Variants in LEMD3 observed in about 807,000 individuals in gnomAD.
LEMD3 encodes the protein LEM domain containing 3.
A neutral mutation model predicts 95.2 loss-of-function variants in LEMD3; 33 were observed. The ratio of observed to expected loss-of-function variants is 0.35; its 90% CI spans 0.26 to 0.46. The LOEUF (loss-of-function observed/expected upper bound fraction) is 0.46, where lower values mean the gene tolerates loss of function less well. LEMD3 is among the 20% of genes least tolerant of loss of function. LEMD3 has a pLI of 1.00. For missense variants in LEMD3, 1,210 were observed against 1,192.8 expected (o/e 1.01, Z -0.21); for synonymous variants, 525 against 474.6 (o/e 1.11, Z -1.38).
At chr12:65,190,003 G>A (rs370796124) in intron 1 of LEMD3, among the ~76,000 whole-genome samples, 22 of 152,136 alleles carry the variant, frequency 1.4e-4, no homozygotes, top group African/African-American at 3.6e-4. Flanking sequence ...TTAAAGCCTC[G>A]TACCACACTA....
chr12:65,232,644 C>T (rs546173632), intron 4 of LEMD3, among the ~76,000 whole-genome samples: 6 of 152,168 alleles, frequency 3.9e-5, no homozygotes, highest in African/African-American at 1.4e-4. Context: ...TTAAAAAACT[C>T]GTTGTTTTTG....
At chr12:65,178,744 A>G (rs1052745042) in intron 1 of LEMD3, among the ~76,000 whole-genome samples, 2 of 152,226 alleles carry the variant, frequency 1.3e-5, no homozygotes, top group African/African-American at 2.4e-5. Context: ...AGGGTCATGT[A>G]GCTAGTAAGT....
intron 1 of LEMD3, among the ~76,000 whole-genome samples, chr12:65,204,432 T>G (rs1220016750): frequency 6.6e-6 from 1 of 152,152 alleles, no homozygotes; most frequent in Non-Finnish European, 1.5e-5. Flanking sequence ...CATAGAGTAT[T>G]TGGTTTTCTG....
At chr12:65,177,231 A>T (rs929643530) in intron 1 of LEMD3, among the ~76,000 whole-genome samples, 3 of 152,210 alleles carry the variant, frequency 2.0e-5, no homozygotes, top group Admixed American at 2.0e-4. Flanking sequence ...TAAGAAGGAT[A>T]AACAGGTGAT....
intron 1 of LEMD3, among the ~76,000 whole-genome samples, chr12:65,208,789 GAAA>G (rs1035452432): frequency 1.3e-5 from 2 of 152,088 alleles, no homozygotes; most frequent in East Asian, 3.9e-4. Flanking sequence ...AGCATTTGGG[GAAA>G]AAAATTTTAA....
At chr12:65,232,172 C>G (rs983390230) in intron 4 of LEMD3, among the ~76,000 whole-genome samples, 1 of 152,102 alleles carries the variant, frequency 6.6e-6, no homozygotes, top group Non-Finnish European at 1.5e-5. Flanking sequence ...CCAAAATTCT[C>G]TATGTTATTT....
At chr12:65,192,221 C>T (rs1022846743) in intron 1 of LEMD3, among the ~76,000 whole-genome samples, 10 of 152,014 alleles carry the variant, frequency 6.6e-5, no homozygotes, top group Non-Finnish European at 1.3e-4. Context: ...TACCACTGTA[C>T]TTTTGATATT....
intron 1 of LEMD3, among the ~76,000 whole-genome samples, chr12:65,186,339 A>G (rs550029996): frequency 6.6e-6 from 1 of 152,268 alleles, no homozygotes; most frequent in East Asian, 1.9e-4. Context: ...CTTAAATTTT[A>G]ACAACTTAAA....
rs1268518880 is a variant in LEMD3 at position 65,170,442 on chromosome 12, C to T, written c.846C>T (p.Ser282=). 1 of 1,613,932 alleles carries T rather than the reference C, an allele frequency of 6.2e-7. No homozygotes were observed. Residue 282 remains serine, a synonymous_variant, in exon 1 of 13, where the codon TCC becomes TCT. Transcript: ENST00000308330. ...SRQVLKDDSL[S]RHRPRRTHSK... is the part of the protein sequence containing the mutation. ...AGGTATTAAAGGACGACTCCCTTTC[C>T]CGGCATCGGCCCAGACGAACCCATA...
At position 65,210,539 on chromosome 12, in the gene LEMD3, GACA is replaced by G. The variant is rs1275763336; in HGVS notation, c.1523-381_1523-379del. On this transcript the variant is annotated intron_variant, in intron 1 of 12. Coordinates refer to ENST00000308330, the MANE Select transcript of LEMD3 (RefSeq NM_014319.5). ...TATCTTGTTTATCTCATTTAATCCT[GACA>G]ACAACTGTATAAGGTAGGTATCATT... 2.6e-5 allele frequency among the ~76,000 whole-genome samples: 4 copies of G among 152,102 alleles called. No individual in the cohort carries two copies. The East Asian group carries it at 7.7e-4, about 29-fold the overall frequency.
chr12:65,244,404 A>G (rs1311725965), intron 10 of LEMD3, among the ~76,000 whole-genome samples: 1 of 152,040 alleles, frequency 6.6e-6, no homozygotes, highest in Non-Finnish European at 1.5e-5. Flanking sequence ...TGGCAAGTCC[A>G]CTATTTTATT....
intron 1 of LEMD3, among the ~76,000 whole-genome samples, chr12:65,185,801 T>C (rs1244718564): frequency 2.0e-5 from 3 of 151,904 alleles, no homozygotes; most frequent in Non-Finnish European, 4.4e-5. Context: ...CAGAGGTGAT[T>C]GTACAAGATC....
At chr12:65,236,183 T>C (rs1184526742) in intron 4 of LEMD3, among the ~76,000 whole-genome samples, 3 of 152,224 alleles carry the variant, frequency 2.0e-5, no homozygotes, top group Non-Finnish European at 2.9e-5. Flanking sequence ...GGACACTTCT[T>C]AGAAAAATCT....
chr12:65,178,508 C>T (rs1868799351), intron 1 of LEMD3, among the ~76,000 whole-genome samples: 1 of 152,052 alleles, frequency 6.6e-6, no homozygotes. Context: ...AGTTGCTTAG[C>T]CATTGTAAAC....
intron 8 of LEMD3, 54 bp downstream of exon 8, chr12:65,240,292 G>T: frequency 7.8e-7 from 1 of 1,275,692 alleles, no homozygotes; most frequent in Admixed American, 1.7e-5. Context: ...AGTGCTTTCT[G>T]CAGTATTGAA....
chr12:65,195,450 T>C (rs796934962), intron 1 of LEMD3, among the ~76,000 whole-genome samples: 1 of 152,122 alleles, frequency 6.6e-6, no homozygotes, highest in Non-Finnish European at 1.5e-5. Flanking sequence ...ATGGCTACGC[T>C]TCTTATTGAT....
intron 1 of LEMD3, among the ~76,000 whole-genome samples, chr12:65,189,752 C>T (rs1349317364): frequency 2.0e-5 from 3 of 152,162 alleles, no homozygotes; most frequent in Non-Finnish European, 4.4e-5. Flanking sequence ...CACATACGTG[C>T]AGCGAGAGTA....
chr12:65,229,980 G>A (rs1288271302), intron 4 of LEMD3, among the ~76,000 whole-genome samples: 1 of 152,064 alleles, frequency 6.6e-6, no homozygotes, highest in Admixed American at 6.6e-5. Context: ...TCCATTTTGA[G>A]TTGATTTTTG....
chr12:65,188,556 C>G (rs773577147), intron 1 of LEMD3, among the ~76,000 whole-genome samples: 3 of 152,070 alleles, frequency 2.0e-5, no homozygotes, highest in East Asian at 3.9e-4. Flanking sequence ...ACTGTTTACA[C>G]GGGATTGGGT....
Sources: allele counts gnomAD v4.1 joint callset (sites outside exome capture counted in the v4.1 genomes callset), GRCh38; gene constraint gnomAD v4.1.1; transcripts MANE v1.5; gene names NCBI Gene and HGNC (gene_info 2026-07-23, HGNC 2026-07-21).